Variants in C1orf105 observed in about 807,000 individuals in gnomAD.
The protein encoded by C1orf105 is uncharacterized protein C1orf105.
Under a neutral mutation model 20.8 loss-of-function variants are expected in C1orf105, and 17 were observed. The ratio of observed to expected loss-of-function variants is 0.82; its 90% CI spans 0.56 to 1.23. The LOEUF (loss-of-function observed/expected upper bound fraction) is 1.23. Ranked by LOEUF, C1orf105 falls within the 50% of genes most tolerant of loss-of-function variation. The pLI is 0.00. For synonymous variants in C1orf105, 72 were observed against 72.1 expected (o/e 1.00, Z 0.01); for missense variants, 219 against 213.5 (o/e 1.03, Z -0.16).
intron 4 of C1orf105, among the ~76,000 whole-genome samples, chr1:172,461,383 G>GCAAATA (rs1649680206): frequency 1.3e-5 from 2 of 152,204 alleles, no homozygotes; most frequent in Non-Finnish European, 2.9e-5. Context: ...AAGTCACTTA[G>GCAAATA]TGAGTAGAGT....
intron 1 of C1orf105, among the ~76,000 whole-genome samples, chr1:172,435,255 G>C (rs1359882580): frequency 6.6e-6 from 1 of 152,154 alleles, no homozygotes; most frequent in Non-Finnish European, 1.5e-5. Flanking sequence ...TATGAGGTCA[G>C]CATCATCCTG....
chr1:172,448,209 A>G (rs559021234), intron 2 of C1orf105, among the ~76,000 whole-genome samples: 1 of 152,328 alleles, frequency 6.6e-6, no homozygotes, highest in East Asian at 1.9e-4. Context: ...TTGTTTGTAC[A>G]GTGTCTGACA....
Position 172,420,723 on chromosome 1 carries a change from A to C in C1orf105, c.-163A>C. 1.5e-6 allele frequency: 1 copy of C among 645,562 alleles called. No individual in the cohort carries two copies. The highest frequency in any genetic ancestry group is 2.8e-6 in the Non-Finnish European group (1 of 357,778). The allele number at this position is 645,562 out of a possible 1,614,324, so 40.0% of individuals were successfully genotyped here. ...CACAGATGTTGGTAGAGAAAAAGGC[A>C]TACTGGTATTGAAACTGTAAACTGG... On this transcript the variant is annotated 5_prime_UTR_variant, in exon 1 of 7. Coordinates refer to ENST00000367727, the MANE Select transcript of C1orf105 (RefSeq NM_139240.4).
chr1:172,468,572 T>A lies in C1orf105; in HGVS notation c.530T>A (p.Ile177Lys), dbSNP rs576453404. The A allele has an allele frequency of 5.6e-6, 9 of 1,613,646 alleles. No homozygotes were observed. Among genetic ancestry groups the A allele is most frequent in the Non-Finnish European group, 6.8e-6 (8 of 1,179,692 alleles). Residue 177 changes from isoleucine (I) to lysine (K), a missense_variant, in exon 7 of 7, where the codon ATA becomes AAA. Coordinates refer to ENST00000367727, the MANE Select transcript of C1orf105 (RefSeq NM_139240.4). ...TCTTCCTTGCCCAGAAAGGAACCAA[T>A]AGGCAAGACAACGAGGCAGTGAGCG... ...QRSSLPRKEPIGKTTRQ is the reference protein window; with the variant it reads ...QRSSLPRKEPKGKTTRQ
chr1:172,439,828 C>T (rs978963666), intron 1 of C1orf105, among the ~76,000 whole-genome samples: 2 of 152,186 alleles, frequency 1.3e-5, no homozygotes, highest in South Asian at 2.1e-4. Context: ...AACACCTAGC[C>T]CTGTTCCTGA....
At chr1:172,426,366 T>C (rs570162223) in intron 1 of C1orf105, among the ~76,000 whole-genome samples, 2 of 152,298 alleles carry the variant, frequency 1.3e-5, no homozygotes, top group South Asian at 4.1e-4. Context: ...ATTACAGCAC[T>C]ATCTACATGA....
chr1:172,441,770 C>G, intron 1 of C1orf105: 1 of 1,576,552 alleles, frequency 6.3e-7, no homozygotes, highest in Non-Finnish European at 8.6e-7. Context: ...ATTTCAGCTT[C>G]ATCCCAAGGC....
chr1:172,463,923 G>GT (rs1649867178), intron 5 of C1orf105, among the ~76,000 whole-genome samples: 1 of 152,168 alleles, frequency 6.6e-6, no homozygotes, highest in Admixed American at 6.5e-5. Flanking sequence ...CTTAGCTAGA[G>GT]TGACTATAAA....
At chr1:172,458,474 T>A (rs920449512) in intron 4 of C1orf105, among the ~76,000 whole-genome samples, 2 of 152,112 alleles carry the variant, frequency 1.3e-5, no homozygotes, top group Non-Finnish European at 2.9e-5. Context: ...CAAAAATTAT[T>A]TAGGAATAAA....
chr1:172,431,391 G>C (rs2071869566), intron 1 of C1orf105: 2 of 272,516 alleles, frequency 7.3e-6, no homozygotes, highest in Non-Finnish European at 1.4e-5. Context: ...TTCCCTTTAG[G>C]CCAAAGCATA....
At chr1:172,444,782 G>A (rs1362417413) in intron 1 of C1orf105, among the ~76,000 whole-genome samples, 1 of 152,148 alleles carries the variant, frequency 6.6e-6, no homozygotes, top group African/African-American at 2.4e-5. Flanking sequence ...AGAAACAAAG[G>A]GATGTAGTAA....
chr1:172,443,871 G>C (rs1286812607), intron 1 of C1orf105: 1 of 756,426 alleles, frequency 1.3e-6, no homozygotes, highest in Non-Finnish European at 1.6e-6. Context: ...ACCCCATTTG[G>C]CTTTTTGGGT....
chr1:172,443,212 G>T (rs945963130), intron 1 of C1orf105: 3 of 167,602 alleles, frequency 1.8e-5, no homozygotes, highest in African/African-American at 7.2e-5. Flanking sequence ...CAAAGCCTGT[G>T]TCTCACATTG....
At position 172,444,121 on chromosome 1, in the gene C1orf105, C is replaced by A. The variant is rs1321049604; in HGVS notation, c.22-952C>A. On this transcript the variant is annotated intron_variant, in intron 1 of 6. Coordinates refer to ENST00000367727, the MANE Select transcript of C1orf105 (RefSeq NM_139240.4). ...ATCTCCTTAGCGAGGGCACCCTTCC[C>A]CGGCTGGAACCATCGCGACGTGACT... 3 of 991,210 alleles carry A rather than the reference C, an allele frequency of 3.0e-6. No individual in the cohort carries two copies. The East Asian group carries it at 3.4e-4, about 112-fold the overall frequency. 61.4% of individuals were successfully genotyped at this position (991,210 alleles called of 1,614,324 possible). A position where few individuals can be genotyped will look rare whatever the true frequency, so the allele number is the denominator to read the frequency against.
At chr1:172,440,413 G>T (rs1377266213) in intron 1 of C1orf105, among the ~76,000 whole-genome samples, 1 of 152,136 alleles carries the variant, frequency 6.6e-6, no homozygotes, top group African/African-American at 2.4e-5. Flanking sequence ...TTCGTATCAG[G>T]GATTCTTCAA....
At chr1:172,431,780 CG>C (rs1458687333) in intron 1 of C1orf105, among the ~76,000 whole-genome samples, 3 of 152,220 alleles carry the variant, frequency 2.0e-5, no homozygotes, top group African/African-American at 7.2e-5. Context: ...CAAAGCAGGG[CG>C]GGGCATCGCC....
At chr1:172,437,767 GATTT>G (rs1472607460) in intron 1 of C1orf105, among the ~76,000 whole-genome samples, 1 of 142,804 alleles carries the variant, frequency 7.0e-6, no homozygotes, top group Non-Finnish European at 1.5e-5. Context: ...TAAACAAAAC[GATTT>G]ATTTCTACTA....
At chr1:172,446,845 C>A (rs1648068844) in intron 2 of C1orf105, among the ~76,000 whole-genome samples, 1 of 152,188 alleles carries the variant, frequency 6.6e-6, no homozygotes, top group African/African-American at 2.4e-5. Flanking sequence ...GCAGTTTTTC[C>A]TCCAGCCAGC....
intron 1 of C1orf105, among the ~76,000 whole-genome samples, chr1:172,441,266 G>A (rs976555019): frequency 2.0e-5 from 3 of 152,026 alleles, no homozygotes; most frequent in African/African-American, 7.3e-5. Context: ...CAACAAAACT[G>A]AGCATAGCAC....
Sources: gnomAD v4.1 joint callset for allele counts (sites outside exome capture counted in the v4.1 genomes callset) on GRCh38, gnomAD v4.1.1 for gene constraint, MANE v1.5 for transcripts, NCBI Gene and HGNC (gene_info 2026-07-23, HGNC 2026-07-21) for gene names.